The following STAG1 variants were observed in gnomAD, a reference collection of about 807,000 sequenced individuals.
STAG1 encodes STAG1 cohesin complex component.
STAG1 carries 26 observed loss-of-function variants against 170.9 expected under a neutral mutation model. The observed-to-expected ratio is 0.15, with a 90% CI of 0.11 to 0.21. The LOEUF (loss-of-function observed/expected upper bound fraction) is 0.21. STAG1 is among the 10% of genes least tolerant of loss of function. The pLI is 1.00. For missense variants in STAG1, 964 were observed against 1,509.5 expected, an observed-to-expected ratio of 0.64 and a Z score of 5.99; for synonymous variants, 514 against 497.7, an observed-to-expected ratio of 1.03 and a Z score of -0.44.
At chr3:136,549,198 A>G (rs1936281848) in intron 5 of STAG1, among the ~76,000 whole-genome samples, 1 of 152,198 alleles carries the variant, frequency 6.6e-6, no homozygotes, top group African/African-American at 2.4e-5. Context: ...TTCTTTCAGA[A>G]AGTTCACTTT....
intron 14 of STAG1, among the ~76,000 whole-genome samples, chr3:136,449,320 GA>G (rs767822783): frequency 4.6e-5 from 7 of 152,174 alleles, no homozygotes; most frequent in Admixed American, 1.3e-4. Context: ...CAGCACTTTG[GA>G]AGGCCGAGGC....
At chr3:136,599,340 G>A (rs1023094445) in intron 4 of STAG1, among the ~76,000 whole-genome samples, 3 of 151,956 alleles carry the variant, frequency 2.0e-5, no homozygotes, top group African/African-American at 7.3e-5. Context: ...GACCAGCCTA[G>A]GGTAACATGG....
intron 1 of STAG1, among the ~76,000 whole-genome samples, chr3:136,723,070 G>C (rs1440789300): frequency 6.6e-6 from 1 of 152,214 alleles, no homozygotes; most frequent in East Asian, 1.9e-4. Flanking sequence ...CGCCTGCCTT[G>C]GCCTCCCAAA....
At chr3:136,714,328 G>A (rs1015645391) in intron 1 of STAG1, among the ~76,000 whole-genome samples, 2 of 152,178 alleles carry the variant, frequency 1.3e-5, no homozygotes, top group Non-Finnish European at 2.9e-5. Context: ...AAGCACAGTA[G>A]CTCACACTTG....
intron 6 of STAG1, among the ~76,000 whole-genome samples, chr3:136,538,382 A>G (rs1251423475): frequency 6.6e-6 from 1 of 151,998 alleles, no homozygotes; most frequent in Non-Finnish European, 1.5e-5. Flanking sequence ...GTTCAGAACT[A>G]AGAAGGTCTC....
At chr3:136,563,509 GACAC>G (rs574379695) in intron 5 of STAG1, among the ~76,000 whole-genome samples, 3 of 150,358 alleles carry the variant, frequency 2.0e-5, no homozygotes, top group South Asian at 2.1e-4. Context: ...TAAACTTTCC[GACAC>G]ACACACACGC....
At chr3:136,549,588 A>T (rs1936302318) in intron 5 of STAG1, among the ~76,000 whole-genome samples, 1 of 151,768 alleles carries the variant, frequency 6.6e-6, no homozygotes, top group Admixed American at 6.6e-5. Flanking sequence ...GGCATGAGCC[A>T]CCATGCCCAG....
At chr3:136,626,017 C>T (rs1181284229) in intron 2 of STAG1, among the ~76,000 whole-genome samples, 1 of 152,106 alleles carries the variant, frequency 6.6e-6, no homozygotes, top group Non-Finnish European at 1.5e-5. Flanking sequence ...AGCACCACTG[C>T]ACTCCAGCCT....
At chr3:136,574,279 G>C (rs540187473) in intron 4 of STAG1, among the ~76,000 whole-genome samples, 1 of 151,504 alleles carries the variant, frequency 6.6e-6, no homozygotes, top group Admixed American at 6.6e-5. Context: ...ATTTACAAGA[G>C]ACACACTTTT....
intron 6 of STAG1, among the ~76,000 whole-genome samples, chr3:136,528,573 C>G (rs1043960669): frequency 1.5e-5 from 2 of 136,602 alleles, no homozygotes; most frequent in African/African-American, 5.6e-5. Context: ...TGAGATACAA[C>G]AGAATTCTGA....
intron 1 of STAG1, among the ~76,000 whole-genome samples, chr3:136,701,375 G>A (rs971745789): frequency 6.6e-6 from 1 of 151,872 alleles, no homozygotes; most frequent in Non-Finnish European, 1.5e-5. Flanking sequence ...ACCTCAAACT[G>A]ACACACCACC....
At position 136,452,018 on chromosome 3, in the gene STAG1, T is replaced by C; in HGVS notation, c.1428+15A>G. On this transcript the variant is annotated intron_variant, in intron 14 of 33. Transcript: ENST00000383202. ...TAATAAAAGAAATAAGGAATTATCT[T>C]AAAACATTTTTTACCTCACTTTCAA... The C allele has an allele frequency of 6.6e-7, 1 of 1,526,680 alleles. No homozygotes were observed. Among genetic ancestry groups the C allele is most frequent in the Admixed American group, 1.9e-5 (1 of 53,532 alleles). The allele number at this position is 1,526,680 out of a possible 1,614,324, so 94.6% of individuals were successfully genotyped here.
rs1380078036 is a variant in STAG1 at position 136,542,023 on chromosome 3, A to G, written c.471+96T>C. The G allele has an allele frequency of 6.7e-6, 6 of 890,214 alleles. No homozygotes were observed. The African/African-American group carries it at 8.3e-5, about 12-fold the overall frequency. 55.1% of individuals were successfully genotyped at this position (890,214 alleles called of 1,614,324 possible). On this transcript the variant is annotated intron_variant, in intron 6 of 33. Coordinates refer to ENST00000383202, the MANE Select transcript of STAG1 (RefSeq NM_005862.3). Reference sequence around the variant, plus strand: ...AATTAAAAAATAGATTTTCAGTTACACTAAACATCAAATCAAAACAAAACC... The same window carrying G: ...AATTAAAAAATAGATTTTCAGTTACGCTAAACATCAAATCAAAACAAAACC...
At position 136,751,755 on chromosome 3, in the gene STAG1, C is replaced by T. The variant is rs555654821; in HGVS notation, c.-84+440G>A. On this transcript the variant is annotated intron_variant, in intron 1 of 33. Transcript: ENST00000383202. Reference sequence around the variant, plus strand: ...GGCAGGCGGCGGAAGGCATTCGCGCCAGCCCGCGTCGGCCCGGCCCCGCTG... The same window carrying T: ...GGCAGGCGGCGGAAGGCATTCGCGCTAGCCCGCGTCGGCCCGGCCCCGCTG... 7.3e-3 allele frequency among the ~76,000 whole-genome samples: 1,108 copies of T among 151,854 alleles called. 16 individuals are homozygous for T. The highest frequency in any genetic ancestry group is 0.025 in the African/African-American group (1,055 of 41,508).
At chr3:136,498,210 T>TTATA (rs374645920) in intron 9 of STAG1, among the ~76,000 whole-genome samples, 2,588 of 50,626 alleles carry the variant, frequency 0.051, 333 homozygotes, top group African/African-American at 0.11. Context: ...AAAAAAAAAA[T>TTATA]TATATATATA....
At position 136,369,286 on chromosome 3, in the gene STAG1, G is replaced by T; in HGVS notation, c.2371-4C>A. The T allele has an allele frequency of 6.4e-7, 1 of 1,571,832 alleles. No individual in the cohort carries two copies. Among genetic ancestry groups the T allele is most frequent in the South Asian group, 1.2e-5 (1 of 82,590 alleles). ...GATCACAGAGTAACATGAAAGCCTG[G>T]AATACAAAGGCAATTTATCAGCAAA... On this transcript the variant is annotated splice_polypyrimidine_tract_variant and splice_region_variant and intron_variant, in intron 23 of 33. Coordinates refer to ENST00000383202, the MANE Select transcript of STAG1 (RefSeq NM_005862.3).
chr3:136,548,967 C>T (rs1455071792), intron 5 of STAG1, among the ~76,000 whole-genome samples: 1 of 152,150 alleles, frequency 6.6e-6, no homozygotes, highest in Non-Finnish European at 1.5e-5. Context: ...GCCTGCTTTC[C>T]CTTCTAATTC....
At chr3:136,690,779 T>C (rs72975363) in intron 1 of STAG1, among the ~76,000 whole-genome samples, 11,873 of 152,018 alleles carry the variant, frequency 0.078, 486 homozygotes, top group Non-Finnish European at 0.094. Context: ...GTTGTTATGA[T>C]GTAAATTTAG....
At chr3:136,463,770 T>TACACAAAC (rs2089351154) in intron 13 of STAG1, among the ~76,000 whole-genome samples, 1 of 126,396 alleles carries the variant, frequency 7.9e-6, no homozygotes, top group Admixed American at 8.2e-5. Context: ...TGTGTGTGTA[T>TACACAAAC]ACACACACAC....
Sources: allele counts gnomAD v4.1 joint callset (sites outside exome capture counted in the v4.1 genomes callset), GRCh38; gene constraint gnomAD v4.1.1; transcripts MANE v1.5; gene names NCBI Gene and HGNC (gene_info 2026-07-23, HGNC 2026-07-21).